Variants in AGBL1 observed in about 807,000 individuals in gnomAD.
The protein encoded by AGBL1 is cytosolic carboxypeptidase 4.
A neutral mutation model predicts 118.9 loss-of-function variants in AGBL1; 130 were observed. That is an observed-to-expected ratio of 1.09 (90% confidence interval 0.95 to 1.26). The LOEUF is 1.26. Among genes scored for constraint, AGBL1 ranks in the 50% most tolerant of loss-of-function variants. The pLI, the probability that AGBL1 is intolerant of heterozygous loss-of-function variation, is 0.00. For synonymous variants in AGBL1, 555 were observed against 478.9 expected, an observed-to-expected ratio of 1.16 and a Z score of -2.08; for missense variants, 1,584 against 1,298.1, an observed-to-expected ratio of 1.22 and a Z score of -3.38.
chr15:86,748,678 A>C (rs932595735), intron 22 of AGBL1, among the ~76,000 whole-genome samples: 10 of 151,416 alleles, frequency 6.6e-5, no homozygotes, highest in Non-Finnish European at 1.3e-4. Context: ...ATCTTGAATT[A>C]ATTTTTGTAT....
intron 17 of AGBL1, among the ~76,000 whole-genome samples, chr15:86,346,856 A>G (rs2080545379): frequency 6.6e-6 from 1 of 152,226 alleles, no homozygotes; most frequent in South Asian, 2.1e-4. Flanking sequence ...CCATGCCCAC[A>G]ATGTGCCATA....
Position 86,257,998 on chromosome 15 carries a change from C to A in AGBL1, c.936C>A (p.Asp312Glu), listed in dbSNP as rs948524576. ...DFEDDGDDEV[D>E]KDSDTEDGKV... ...AAGATGATGGCGATGATGAAGTGGACAAAGACTCTGATACTGAAGATGGGA... is the reference window on the plus strand; with the variant it reads ...AAGATGATGGCGATGATGAAGTGGAAAAAGACTCTGATACTGAAGATGGGA... Residue 312 changes from aspartate to glutamate, a missense_variant, in exon 9 of 23, where the codon GAC becomes GAA. Asp to Glu is a conservative substitution (Grantham distance 45, BLOSUM62 2). Coordinates refer to ENST00000614907, the MANE Select transcript of AGBL1 (RefSeq NM_001386094.1). 2 of 1,613,640 alleles carry A rather than the reference C, an allele frequency of 1.2e-6. No homozygotes were observed. Among genetic ancestry groups the A allele is most frequent in the Non-Finnish European group, 1.7e-6 (2 of 1,179,804 alleles).
At chr15:86,196,718 T>G (rs969180048) in intron 5 of AGBL1, among the ~76,000 whole-genome samples, 12 of 152,174 alleles carry the variant, frequency 7.9e-5, no homozygotes, top group African/African-American at 2.9e-4. Context: ...CCAATGTTAC[T>G]GTATTTTAAG....
downstream of AGBL1, among the ~76,000 whole-genome samples, chr15:86,920,413 G>C (rs114314271): frequency 6.6e-6 from 1 of 152,120 alleles, no homozygotes; most frequent in Non-Finnish European, 1.5e-5. Flanking sequence ...AGTGTGATTA[G>C]GTTAGACCCA....
At chr15:86,472,827 A>G (rs7183112) in intron 18 of AGBL1, among the ~76,000 whole-genome samples, 70,454 of 152,010 alleles carry the variant, frequency 0.46, 16,933 homozygotes, top group Middle Eastern at 0.55. Flanking sequence ...GCTGAGGCAG[A>G]AGAATTGCTT....
rs1271569311 is a variant in AGBL1 at position 86,615,405 on chromosome 15, G to A, written c.2995-58868G>A. On this transcript the variant is annotated intron_variant, in intron 21 of 22. Coordinates refer to ENST00000614907, the MANE Select transcript of AGBL1 (RefSeq NM_001386094.1). The surrounding 1 kb of genome is among the most constrained non-coding windows in gnomAD (Gnocchi z 4.3). ...GCAGGTGGTGTCCAGTGGGATCTGG[G>A]GTAAGGAGGAAGAAGGTAAGATGAT... Among the ~76,000 whole-genome samples the A allele has an allele frequency of 6.6e-6, 1 of 152,160 alleles. No individual in the cohort carries two copies. Among genetic ancestry groups the A allele is most frequent in the Non-Finnish European group, 1.5e-5 (1 of 68,028 alleles).
At chr15:86,116,431 G>A (rs1250173060) in intron 1 of AGBL1, 2 of 152,234 alleles carry the variant, frequency 1.3e-5, no homozygotes, top group Non-Finnish European at 1.5e-5. Context: ...AGCTGGTAAA[G>A]CATTATTTCT....
intron 18 of AGBL1, among the ~76,000 whole-genome samples, chr15:86,452,441 A>T (rs918923808): frequency 2.0e-5 from 3 of 152,060 alleles, no homozygotes; most frequent in Admixed American, 6.5e-5. Context: ...CTGTAATGTA[A>T]TTTCCATTTA....
At chr15:86,176,613 A>T (rs2077485185) in intron 5 of AGBL1, among the ~76,000 whole-genome samples, 1 of 152,154 alleles carries the variant, frequency 6.6e-6, no homozygotes, top group Non-Finnish European at 1.5e-5. Flanking sequence ...GGACATGAGG[A>T]AATATCAGTG....
At chr15:86,803,447 C>T (rs997833360) in intron 22 of AGBL1, among the ~76,000 whole-genome samples, 2 of 152,134 alleles carry the variant, frequency 1.3e-5, no homozygotes, top group African/African-American at 2.4e-5. Flanking sequence ...ATAAATTACC[C>T]AGTCTTAGTT....
At chr15:86,884,711 C>T (rs935487469) in intron 22 of AGBL1, among the ~76,000 whole-genome samples, 1 of 152,136 alleles carries the variant, frequency 6.6e-6, no homozygotes, top group Non-Finnish European at 1.5e-5. Flanking sequence ...ACTCTGGAGG[C>T]TGACGTGGGA....
chr15:86,905,297 TTG>T (rs1259111988), intron 22 of AGBL1, among the ~76,000 whole-genome samples: 5 of 152,228 alleles, frequency 3.3e-5, no homozygotes, highest in African/African-American at 9.6e-5. Context: ...AAGACTGACC[TTG>T]TTGTGTCCCA....
chr15:86,334,368 A>G (rs993085165), intron 17 of AGBL1, among the ~76,000 whole-genome samples: 1 of 152,216 alleles, frequency 6.6e-6, no homozygotes, highest in Admixed American at 6.5e-5. Context: ...ATTTCTATAC[A>G]TCAATAACAT....
In AGBL1 at chr15:86,311,256, G is replaced by A. The variant is rs573921322; in HGVS notation, c.2374+15848G>A. Among the ~76,000 whole-genome samples, 3 of 152,300 alleles carry A rather than the reference G, an allele frequency of 2.0e-5. No individual in the cohort carries two copies. In the East Asian group the frequency reaches 5.8e-4, roughly 29 times the overall value. ...ACATTTTTGTTGTTTCCTTTGGCAGGTTGTTCAGAATAGTTAGTCTATTAT... is the reference window on the plus strand; with the variant it reads ...ACATTTTTGTTGTTTCCTTTGGCAGATTGTTCAGAATAGTTAGTCTATTAT... On this transcript the variant is annotated intron_variant, in intron 17 of 22. Coordinates refer to ENST00000614907, the MANE Select transcript of AGBL1 (RefSeq NM_001386094.1).
chr15:86,476,021 A>G (rs2082554098), intron 18 of AGBL1, among the ~76,000 whole-genome samples: 1 of 152,176 alleles, frequency 6.6e-6, no homozygotes, highest in South Asian at 2.1e-4. Flanking sequence ...TTTACAGACA[A>G]GCAAATGCTG....
chr15:86,781,886 A>ATT (rs59836305), intron 22 of AGBL1, among the ~76,000 whole-genome samples: 32 of 147,196 alleles, frequency 2.2e-4, no homozygotes, highest in East Asian at 6.0e-4. Flanking sequence ...GGTTTTGCCC[A>ATT]TTTTTTTTTT....
chr15:86,535,043 T>G (rs2083405687), intron 19 of AGBL1, among the ~76,000 whole-genome samples: 1 of 152,070 alleles, frequency 6.6e-6, no homozygotes, highest in South Asian at 2.1e-4. Flanking sequence ...TGCAGAAAAT[T>G]AAAATTAAAG....
At chr15:86,501,936 A>T (rs1168703869) in intron 18 of AGBL1, among the ~76,000 whole-genome samples, 3 of 151,404 alleles carry the variant, frequency 2.0e-5, no homozygotes, top group Non-Finnish European at 4.4e-5. Context: ...TTTCATTTCC[A>T]TGTGAATTTT....
intron 24 of AGBL1, among the ~76,000 whole-genome samples, chr15:86,992,918 A>C (rs2081348007): frequency 6.6e-6 from 1 of 152,132 alleles, no homozygotes. Context: ...GGCAGGAATG[A>C]CTTGAGCTAT....
Sources: gnomAD v4.1 joint callset for allele counts (sites outside exome capture counted in the v4.1 genomes callset) on GRCh38, gnomAD v4.1.1 for gene constraint, Gnocchi (gnomAD v3.1) non-coding constraint, MANE v1.5 for transcripts, NCBI Gene and HGNC (gene_info 2026-07-23, HGNC 2026-07-21) for gene names.